SCPEP1: variants seen among roughly 807,000 people sequenced by gnomAD.
SCPEP1 encodes retinoid-inducible serine carboxypeptidase.
SCPEP1 carries 51 observed loss-of-function variants against 63.8 expected under a neutral mutation model. The ratio of observed to expected loss-of-function variants is 0.80; its 90% confidence interval spans 0.64 to 1.01. SCPEP1 has a LOEUF of 1.01. Among genes scored for constraint, SCPEP1 ranks in the 50% least tolerant of loss-of-function variants. The probability of loss-of-function intolerance (pLI) is 0.00; values close to 1 mark genes in which losing one functional copy is unlikely to be tolerated. For synonymous variants in SCPEP1, 204 were observed against 207.8 expected (o/e 0.98, Z 0.16); for missense variants, 499 against 554.9 (o/e 0.90, Z 1.01).
At chr17:56,995,429 A>T in intron 7 of SCPEP1, 78 bp from the exon 8 acceptor site, 1 of 1,487,968 alleles carries the variant, frequency 6.7e-7, no homozygotes, top group Non-Finnish European at 9.2e-7. Flanking sequence ...TCTTTCTCCT[A>T]CCCCTCCCTA....
At chr17:56,978,279 T>C (rs770181981) in intron 1 of SCPEP1, 44 bp downstream of exon 1, 1 of 1,499,710 alleles carries the variant, frequency 6.7e-7, no homozygotes, top group South Asian at 1.2e-5. Context: ...GCCTCTTTTT[T>C]CTCCAGGCGT....
chr17:56,981,153 T>C lies in SCPEP1; in HGVS notation c.148T>C (p.Tyr50His), dbSNP rs758070431. The change falls in exon 2 of 13, where the codon TAC becomes CAC. Residue 50 changes from tyrosine to histidine, a missense_variant. Transcript: ENST00000262288. The stretch of plus-strand genomic sequence containing the variant: ...TTATGTGACGGTCCGCAAGGATGCC[T>C]ACATGTTCTGGTGGCTCTATTATGC... ...WDYVTVRKDAYMFWWLYYATN... is the reference protein window; with the variant it reads ...WDYVTVRKDAHMFWWLYYATN... 17 of 1,613,998 alleles carry C rather than the reference T, an allele frequency of 1.1e-5. 1 individual carries two copies. The highest frequency in any genetic ancestry group is 3.3e-5 in the South Asian group (3 of 91,088).
At position 56,997,024 on chromosome 17, in the gene SCPEP1, G is replaced by A. The variant is rs1025876756; in HGVS notation, c.849G>A (p.Glu283=). Reference sequence around the variant, plus strand: ...AAAGCACTCCCACGTCTACAATGGAGTCGAGTCTAGAATTCACACAGAGCC... The same window carrying A: ...AAAGCACTCCCACGTCTACAATGGAATCGAGTCTAGAATTCACACAGAGCC... ...LTKSTPTSTM[E]SSLEFTQSHL... is the part of the protein sequence containing the mutation. Residue 283 remains glutamate, a synonymous_variant, in exon 9 of 13, where the codon GAG becomes GAA. Transcript: ENST00000262288. 1 of 1,608,292 alleles carries A rather than the reference G, an allele frequency of 6.2e-7. No homozygotes were observed. Among genetic ancestry groups the A allele is most frequent in the Non-Finnish European group, 8.5e-7 (1 of 1,176,732 alleles).
chr17:56,998,053 C>T, intron 9 of SCPEP1: 1 of 271,964 alleles, frequency 3.7e-6, no homozygotes, highest in Non-Finnish European at 7.3e-6. Context: ...GTGGCTCACA[C>T]CTGTAATCCC....
chr17:56,997,145 C>A, intron 9 of SCPEP1, 90 bp downstream of exon 9: 56 of 773,868 alleles, frequency 7.2e-5, no homozygotes, highest in Non-Finnish European at 9.7e-5. Flanking sequence ...ACTTTATTAA[C>A]ATATAATTTG....
At chr17:56,992,599 C>G (rs1391738851) in intron 6 of SCPEP1, among the ~76,000 whole-genome samples, 1 of 152,162 alleles carries the variant, frequency 6.6e-6, no homozygotes, top group Non-Finnish European at 1.5e-5. Context: ...CTCATGGGGT[C>G]TCCTCAGTTT....
chr17:56,985,529 C>G, intron 3 of SCPEP1, 62 bp downstream of exon 3: 3 of 1,249,800 alleles, frequency 2.4e-6, no homozygotes, highest in Non-Finnish European at 3.5e-6. Context: ...CCCTGCCCAA[C>G]TCTGGGAGGG....
At chr17:56,989,581 G>A (rs1369597162) in intron 5 of SCPEP1, among the ~76,000 whole-genome samples, 3 of 152,198 alleles carry the variant, frequency 2.0e-5, no homozygotes, top group Non-Finnish European at 4.4e-5. Context: ...ACAGCTGGTT[G>A]GCTGTCAGTA....
At chr17:56,993,901 G>A (rs1911470577) in intron 6 of SCPEP1, among the ~76,000 whole-genome samples, 1 of 152,212 alleles carries the variant, frequency 6.6e-6, no homozygotes, top group South Asian at 2.1e-4. Flanking sequence ...CAAACAGGAA[G>A]TGGGATGCAT....
intron 1 of SCPEP1, among the ~76,000 whole-genome samples, chr17:56,979,437 T>TC (rs1322368289): frequency 3.4e-5 from 5 of 148,658 alleles, no homozygotes; most frequent in African/African-American, 5.0e-5. Flanking sequence ...ACCGAGGGGA[T>TC]CCCCCCCATC....
At chr17:56,979,444 C>A (rs938255182) in intron 1 of SCPEP1, among the ~76,000 whole-genome samples, 2 of 151,670 alleles carry the variant, frequency 1.3e-5, no homozygotes, top group Admixed American at 1.3e-4. Flanking sequence ...GGATCCCCCC[C>A]ATCATCTTTT....
rs953067602 is a variant in SCPEP1 at position 56,988,081 on chromosome 17, A to G, written c.472-135A>G. On this transcript the variant is annotated intron_variant, in intron 4 of 12. Transcript: ENST00000262288. The stretch of plus-strand genomic sequence containing the variant: ...TTCTAATCAGACGCAATAATCAGAT[A>G]TGGAGTGGTGGGGGAGGAAGACAAA... 1.0e-5 allele frequency: 8 copies of G among 779,132 alleles called. No homozygotes were observed. In the African/African-American group the frequency reaches 1.2e-4, roughly 12 times the overall value. The allele number at this position is 779,132 out of a possible 1,614,324, so 48.3% of individuals were successfully genotyped here.
Position 56,994,999 on chromosome 17 carries a change from G to C in SCPEP1, c.638G>C (p.Gly213Ala). ...ISPVDSVLSW[G>A]PYLYSMSLLE... is the part of the protein sequence containing the mutation. ...CCTTTAGATTCGGTGCTCTCCTGGG[G>C]ACCTTACCTGTACAGCATGGTAAGT... Residue 213 changes from glycine to alanine, a missense_variant, in exon 7 of 13, where the codon GGA becomes GCA. Coordinates refer to ENST00000262288, the MANE Select transcript of SCPEP1 (RefSeq NM_021626.3). The C allele has an allele frequency of 1.2e-6, 2 of 1,613,520 alleles. No individual in the cohort carries two copies. Among genetic ancestry groups the C allele is most frequent in the Non-Finnish European group, 8.5e-7 (1 of 1,179,510 alleles).
At chr17:56,984,725 G>C (rs1405154570) in intron 2 of SCPEP1, 1 of 152,926 alleles carries the variant, frequency 6.5e-6, no homozygotes, top group African/African-American at 2.4e-5. Flanking sequence ...TGGAGGAAGA[G>C]TCAGAAGGCC....
intron 1 of SCPEP1, among the ~76,000 whole-genome samples, chr17:56,980,088 A>G (rs759094937): frequency 6.6e-6 from 1 of 151,718 alleles, no homozygotes. Flanking sequence ...ATGCCTCTTC[A>G]CTCATGTTTT....
intron 9 of SCPEP1, 76 bp from the exon 10 acceptor site, chr17:56,998,309 C>CA (rs367630962): frequency 0.11 from 84,451 of 742,044 alleles, 494 homozygotes; most frequent in Middle Eastern, 0.13. Context: ...GATTCTGTCT[C>CA]AAAAAAAAAA....
At chr17:56,988,957 C>T (rs1240246184) in intron 5 of SCPEP1, among the ~76,000 whole-genome samples, 1 of 151,648 alleles carries the variant, frequency 6.6e-6, no homozygotes, top group Non-Finnish European at 1.5e-5. Context: ...GAAGCCCAGG[C>T]AGGAGGACTG....
Position 57,000,991 on chromosome 17 carries a change from G to C in SCPEP1, c.1131G>C (p.Met377Ile). The part of the protein sequence containing the change: ...NGQLDLIVDT[M>I]GQEAWVRKLK... The stretch of plus-strand genomic sequence containing the variant: ...AGCTGGATCTCATCGTAGATACCAT[G>C]GGTAGGAATTGACTCTGAGAGGCAC... The change falls in exon 11 of 13, where the codon ATG becomes ATC. Residue 377 changes from methionine to isoleucine, a missense_variant and splice_region_variant. Transcript: ENST00000262288. 1 of 1,614,168 alleles carries C rather than the reference G, an allele frequency of 6.2e-7. No homozygotes were observed. The highest frequency in any genetic ancestry group is 2.2e-5 in the East Asian group (1 of 44,884).
At chr17:57,001,022 G>A in intron 11 of SCPEP1, 30 bp downstream of exon 11, 3 of 1,613,626 alleles carry the variant, frequency 1.9e-6, no homozygotes, top group Non-Finnish European at 2.5e-6. Flanking sequence ...GGCACCTAGA[G>A]GCAGTTTTAT....
Sources: gnomAD v4.1 joint callset for allele counts (sites outside exome capture counted in the v4.1 genomes callset) on GRCh38, gnomAD v4.1.1 for gene constraint, MANE v1.5 for transcripts, NCBI Gene and HGNC (gene_info 2026-07-23, HGNC 2026-07-21) for gene names.